HPSE2: variants seen among roughly 807,000 people sequenced by gnomAD.
The protein encoded by HPSE2 is heparanase 2 (inactive).
In HPSE2, 38 loss-of-function variants were observed where a neutral mutation model predicts 60.5. The observed-to-expected ratio is 0.63, with a 90% CI of 0.48 to 0.82. The LOEUF is 0.82. Among genes scored for constraint, HPSE2 ranks in the 40% least tolerant of loss-of-function variants. The pLI is 0.00. For synonymous variants in HPSE2, 295 were observed against 293.2 expected, an observed-to-expected ratio of 1.01 and a Z score of -0.06; for missense variants, 713 against 740.4, an observed-to-expected ratio of 0.96 and a Z score of 0.43.
chr10:99,289,895 A>T, the HPSE2 span, among the ~76,000 whole-genome samples: 1 of 152,204 alleles, frequency 6.6e-6, no homozygotes, highest in African/African-American at 2.4e-5. Flanking sequence ...TAACTAGAAG[A>T]CAAGGGGAGC....
rs144688355 is a variant in HPSE2, at chr10:98,950,370, C to T, written c.610+193868G>A. ...GTAGGGATTAGTGGCAGTCATATTA[C>T]AACCTGCCTGACACACTAGTGGTAC... On this transcript the variant is annotated intron_variant, in intron 3 of 11. Transcript: ENST00000370552. 5.9e-3 allele frequency among the ~76,000 whole-genome samples: 894 copies of T among 152,250 alleles called. 9 individuals are homozygous for T. The highest frequency in any genetic ancestry group is 0.02 in the African/African-American group (847 of 41,544).
At position 98,470,102 on chromosome 10, in the gene HPSE2, G is replaced by GGTGTGTGTGTGTGTGT. The variant is rs55762346; in HGVS notation, c.1614-10379_1614-10364dup. Among the ~76,000 whole-genome samples the GGTGTGTGTGTGTGTGT allele has an allele frequency of 4.8e-3, 718 of 150,360 alleles. 4 individuals carry two copies. The highest frequency in any genetic ancestry group is 0.014 in the African/African-American group (563 of 41,020). ...TGGAGTGAAGACAGGTAGGAAGGCA[G>GGTGTGTGTGTGTGTGT]GTGTGTGTGTGTGTGTGTGTGTGTA... On this transcript the variant is annotated intron_variant, in intron 11 of 11. Coordinates refer to ENST00000370552, the MANE Select transcript of HPSE2 (RefSeq NM_021828.5).
Position 99,094,540 on chromosome 10 carries a change from A to ATTTTTT in HPSE2, c.610+49692_610+49697dup, listed in dbSNP as rs531721304. On this transcript the variant is annotated intron_variant, in intron 3 of 11. Transcript: ENST00000370552. Reference sequence around the variant, plus strand: ...CATATATATATATATATATATATATATTTTTTTTTTTTTTTTTTTTTTTTT... The same window carrying ATTTTTT: ...CATATATATATATATATATATATATATTTTTTTTTTTTTTTTTTTTTTTTTTTTTTT... 1.9e-4 allele frequency among the ~76,000 whole-genome samples: 5 copies of ATTTTTT among 26,614 alleles called. 1 individual carries two copies. Among genetic ancestry groups the ATTTTTT allele is most frequent in the African/African-American group, 5.1e-4 (3 of 5,858 alleles). The allele number at this position is 26,614 out of a possible 152,430, so 17.5% of individuals were successfully genotyped here. A position where few individuals can be genotyped will look rare whatever the true frequency, so the allele number is the denominator to read the frequency against.
At chr10:99,137,123 A>G (rs1008154439) in intron 3 of HPSE2, among the ~76,000 whole-genome samples, 3 of 152,224 alleles carry the variant, frequency 2.0e-5, no homozygotes, top group Non-Finnish European at 4.4e-5. Context: ...CCAAATCATG[A>G]ATGAACTCCC....
intron 3 of HPSE2, among the ~76,000 whole-genome samples, chr10:99,056,982 CAA>C (rs1958129348): frequency 6.6e-6 from 1 of 151,930 alleles, no homozygotes; most frequent in Non-Finnish European, 1.5e-5. Context: ...AAACAAGAAA[CAA>C]AAGAGTACGT....
chr10:99,151,144 T>G (rs936863581), intron 2 of HPSE2, among the ~76,000 whole-genome samples: 10 of 151,616 alleles, frequency 6.6e-5, no homozygotes, highest in Non-Finnish European at 1.5e-4. Flanking sequence ...AAGAACTACT[T>G]TGATTACAAA....
chr10:98,792,937 C>T (rs1194696241), intron 3 of HPSE2, among the ~76,000 whole-genome samples: 5 of 152,060 alleles, frequency 3.3e-5, no homozygotes, highest in Middle Eastern at 3.4e-3. Flanking sequence ...TAAACAAATG[C>T]TTGCCTTAGC....
At chr10:98,735,835 C>T (rs1949343443) in intron 4 of HPSE2, among the ~76,000 whole-genome samples, 1 of 152,168 alleles carries the variant, frequency 6.6e-6, no homozygotes, top group African/African-American at 2.4e-5. Context: ...TAGGAAGTAA[C>T]TAACTTGCTT....
At chr10:99,007,135 C>A (rs1322594578) in intron 3 of HPSE2, among the ~76,000 whole-genome samples, 1 of 152,170 alleles carries the variant, frequency 6.6e-6, no homozygotes, top group Non-Finnish European at 1.5e-5. Context: ...GGGGATCAAC[C>A]TGGTGTAGGG....
At chr10:98,544,712 CAAAAAAAAAAAAAAAA>C (rs58604325) in intron 9 of HPSE2, among the ~76,000 whole-genome samples, 3 of 71,022 alleles carry the variant, frequency 4.2e-5, no homozygotes, top group African/African-American at 1.2e-4. Context: ...GACTCCGTCT[CAAAAAAAAAAAAAAAA>C]AAAAAAAAAA....
intron 3 of HPSE2, among the ~76,000 whole-genome samples, chr10:98,979,339 T>C (rs771601922): frequency 2.0e-5 from 3 of 152,108 alleles, no homozygotes; most frequent in Non-Finnish European, 4.4e-5. Flanking sequence ...ACATCTACAG[T>C]GCATAATGAA....
At chr10:98,573,177 T>A (rs1329337424) in intron 9 of HPSE2, among the ~76,000 whole-genome samples, 6 of 152,210 alleles carry the variant, frequency 3.9e-5, no homozygotes, top group African/African-American at 1.4e-4. Context: ...AAGTAGTATA[T>A]ACTAGGCATT....
In HPSE2 at chr10:98,524,303, C is replaced by T. The variant is rs1307788073; in HGVS notation, c.1321-34107G>A. 2.6e-5 allele frequency among the ~76,000 whole-genome samples: 4 copies of T among 152,210 alleles called. No homozygotes were observed. In the East Asian group the frequency reaches 5.8e-4, roughly 22 times the overall value. On this transcript the variant is annotated intron_variant, in intron 9 of 11. Coordinates refer to ENST00000370552, the MANE Select transcript of HPSE2 (RefSeq NM_021828.5). ...CATATTAACATATAGTGTTGCAATG[C>T]CCCGTGAGCACACAGTTCTGGTGGA...
intron 2 of HPSE2, among the ~76,000 whole-genome samples, chr10:99,229,353 A>T (rs1047412641): frequency 6.6e-6 from 1 of 152,162 alleles, no homozygotes; most frequent in African/African-American, 2.4e-5. Context: ...CAATCCTCTC[A>T]GGTAATTCCA....
At chr10:98,480,439 G>A (rs1941190834) in intron 11 of HPSE2, among the ~76,000 whole-genome samples, 1 of 152,082 alleles carries the variant, frequency 6.6e-6, no homozygotes, top group South Asian at 2.1e-4. Flanking sequence ...TATGGTGATG[G>A]CAAAAGTTGA....
chr10:98,909,792 T>C (rs965728561), intron 3 of HPSE2, among the ~76,000 whole-genome samples: 1 of 151,972 alleles, frequency 6.6e-6, no homozygotes, highest in African/African-American at 2.4e-5. Flanking sequence ...CTTATAAAAC[T>C]TTAAAAAAAT....
chr10:99,193,813 A>C (rs1400360653), intron 2 of HPSE2, among the ~76,000 whole-genome samples: 1 of 152,124 alleles, frequency 6.6e-6, no homozygotes, highest in Non-Finnish European at 1.5e-5. Flanking sequence ...AGAGCTAATG[A>C]GAGAGATAGA....
intron 4 of HPSE2, among the ~76,000 whole-genome samples, chr10:98,742,178 C>T (rs1324548737): frequency 2.0e-5 from 3 of 152,126 alleles, no homozygotes; most frequent in African/African-American, 7.2e-5. Flanking sequence ...TCATGGTATC[C>T]TGAGTTTAAC....
intron 3 of HPSE2, among the ~76,000 whole-genome samples, chr10:99,140,969 G>A (rs914248472): frequency 6.6e-6 from 1 of 152,122 alleles, no homozygotes; most frequent in African/African-American, 2.4e-5. Context: ...CCCAGGAGGC[G>A]GAGCTTGCAG....
Sources: gnomAD v4.1 joint callset for allele counts (sites outside exome capture counted in the v4.1 genomes callset) on GRCh38, gnomAD v4.1.1 for gene constraint, MANE v1.5 for transcripts, NCBI Gene and HGNC (gene_info 2026-07-23, HGNC 2026-07-21) for gene names.